The following FAT3 variants were observed in gnomAD, a reference collection of about 807,000 sequenced individuals.
The protein encoded by FAT3 is FAT atypical cadherin 3, also known as protocadherin Fat 3.
Under a neutral mutation model 310.2 loss-of-function variants are expected in FAT3, and 95 were observed. The ratio of observed to expected loss-of-function variants is 0.31; its 90% confidence interval spans 0.26 to 0.36. The LOEUF is 0.36. Ranked by LOEUF, FAT3 falls within the 10% of genes least tolerant of loss-of-function variation. The pLI is 1.00. For missense variants in FAT3, 5,408 were observed against 5,715.6 expected, an observed-to-expected ratio of 0.95 and a Z score of 1.74; for synonymous variants, 2,314 against 2,192.9, an observed-to-expected ratio of 1.06 and a Z score of -1.54.
At chr11:92,560,957 A>G (rs2135468223) in intron 3 of FAT3, among the ~76,000 whole-genome samples, 1 of 152,336 alleles carries the variant, frequency 6.6e-6, no homozygotes, top group East Asian at 1.9e-4. Context: ...TTCATACTTT[A>G]AAAATGCCAA....
At chr11:92,705,397 ATGGTGGTGG>A (rs1333104362) in intron 4 of FAT3, among the ~76,000 whole-genome samples, 1 of 65,670 alleles carries the variant, frequency 1.5e-5, no homozygotes, top group Admixed American at 1.8e-4. Flanking sequence ...GGTGGTGGTG[ATGGTGGTGG>A]TGGTGATGGT....
At chr11:92,250,066 AT>A (rs1865076920) in intron 1 of FAT3, among the ~76,000 whole-genome samples, 3 of 152,012 alleles carry the variant, frequency 2.0e-5, no homozygotes, top group African/African-American at 7.2e-5. Context: ...TTGAAGTCTT[AT>A]TGTTATTATT....
At chr11:92,607,406 C>G (rs1940352806) in intron 3 of FAT3, among the ~76,000 whole-genome samples, 1 of 152,106 alleles carries the variant, frequency 6.6e-6, no homozygotes, top group South Asian at 2.1e-4. Flanking sequence ...ACAACAATTA[C>G]ATTGATTTTT....
intron 3 of FAT3, among the ~76,000 whole-genome samples, chr11:92,632,181 T>A (rs1941580726): frequency 6.6e-6 from 1 of 152,250 alleles, no homozygotes; most frequent in Non-Finnish European, 1.5e-5. Context: ...GATAGTTTGC[T>A]GCACAACCTG....
intron 4 of FAT3, among the ~76,000 whole-genome samples, chr11:92,753,321 T>C (rs2136059429): frequency 6.6e-6 from 1 of 152,158 alleles, no homozygotes; most frequent in African/African-American, 2.4e-5. Context: ...CATGAGAGGC[T>C]CCAAATAAGA....
intron 2 of FAT3, among the ~76,000 whole-genome samples, chr11:92,438,550 A>G (rs1950998147): frequency 6.6e-6 from 1 of 152,204 alleles, no homozygotes. Flanking sequence ...CATCTCTAGA[A>G]TATAGTTCTT....
intron 3 of FAT3, among the ~76,000 whole-genome samples, chr11:92,551,754 C>G (rs2135439802): frequency 6.6e-6 from 1 of 152,148 alleles, no homozygotes; most frequent in Admixed American, 6.5e-5. Context: ...TGTTGCTATT[C>G]CATAATACTT....
chr11:92,783,686 C>T (rs1381514560), intron 7 of FAT3, among the ~76,000 whole-genome samples: 1 of 150,998 alleles, frequency 6.6e-6, no homozygotes, highest in Non-Finnish European at 1.5e-5. Flanking sequence ...GTCCAATTGT[C>T]CCAGCTACTT....
At chr11:92,621,345 G>T (rs1199594531) in intron 3 of FAT3, among the ~76,000 whole-genome samples, 2 of 152,214 alleles carry the variant, frequency 1.3e-5, no homozygotes, top group Non-Finnish European at 2.9e-5. Context: ...GGAAAAAAGA[G>T]TTTTAAGAAG....
At chr11:92,509,772 A>G (rs662857) in intron 2 of FAT3, among the ~76,000 whole-genome samples, 57,000 of 152,014 alleles carry the variant, frequency 0.37, 11,991 homozygotes, top group East Asian at 0.61. Context: ...ATAAAACTAC[A>G]GATAAATATA....
intron 4 of FAT3, among the ~76,000 whole-genome samples, chr11:92,758,302 G>A (rs971526526): frequency 6.6e-6 from 1 of 152,190 alleles, no homozygotes. Flanking sequence ...TAGTGTCCTA[G>A]AACTATACAC....
intron 2 of FAT3, among the ~76,000 whole-genome samples, chr11:92,479,050 G>A (rs1952142554): frequency 6.7e-6 from 1 of 148,544 alleles, no homozygotes; most frequent in Non-Finnish European, 1.5e-5. Flanking sequence ...TGCCCAGGCT[G>A]GAGTGCAGCG....
intron 3 of FAT3, among the ~76,000 whole-genome samples, chr11:92,613,896 C>T (rs1940684782): frequency 6.6e-6 from 1 of 152,192 alleles, no homozygotes; most frequent in Non-Finnish European, 1.5e-5. Context: ...TCAGTCACTT[C>T]CCATTTTCCT....
chr11:92,836,640 T>A lies in FAT3; in HGVS notation c.10161T>A (p.Asn3387Lys), dbSNP rs568371690. 9 of 1,613,760 alleles carry A rather than the reference T, an allele frequency of 5.6e-6. No individual in the cohort carries two copies. The African/African-American group carries it at 1.2e-4, about 22-fold the overall frequency. Reference sequence around the variant, plus strand: ...CCATTGTGAATGGAGATCGGGACAATGAATTTACTGTAGATCCTGTCTTGG... The same window carrying A: ...CCATTGTGAATGGAGATCGGGACAAAGAATTTACTGTAGATCCTGTCTTGG... Reference protein sequence around the residue: ...HFSIVNGDRDNEFTVDPVLGL... With the variant: ...HFSIVNGDRDKEFTVDPVLGL... Residue 3387 changes from asparagine to lysine, a missense_variant, in exon 16 of 28, where the codon AAT becomes AAA. Coordinates refer to ENST00000525166, the MANE Select transcript of FAT3 (RefSeq NM_001367949.2).
intron 13 of FAT3, among the ~76,000 whole-genome samples, chr11:92,817,838 C>T (rs1046425532): frequency 2.0e-5 from 3 of 152,180 alleles, no homozygotes; most frequent in Non-Finnish European, 4.4e-5. Context: ...AGTGGTTTTC[C>T]TGCCTCTTCT....
intron 3 of FAT3, among the ~76,000 whole-genome samples, chr11:92,567,913 G>T (rs747971137): frequency 7.7e-6 from 1 of 129,286 alleles, no homozygotes; most frequent in Non-Finnish European, 1.6e-5. Context: ...AGGGGGGAGG[G>T]ATAGCATTGG....
intron 3 of FAT3, among the ~76,000 whole-genome samples, chr11:92,696,804 A>G (rs1943953434): frequency 6.6e-6 from 1 of 152,218 alleles, no homozygotes; most frequent in Non-Finnish European, 1.5e-5. Context: ...TTCATGTGGA[A>G]CTTGTTTTGT....
intron 22 of FAT3, among the ~76,000 whole-genome samples, chr11:92,873,859 A>G (rs1393998770): frequency 6.6e-6 from 1 of 152,212 alleles, no homozygotes; most frequent in Non-Finnish European, 1.5e-5. Context: ...ATGTATCTCC[A>G]CACTAGTAGG....
In FAT3 at chr11:92,353,851, A is replaced by C; in HGVS notation, c.1739A>C (p.Lys580Thr). The change falls in exon 2 of 28, where the codon AAA (lysine) becomes ACA (threonine). Residue 580 changes from lysine (K) to threonine (T), a missense_variant. By Grantham distance (78) the Lys-to-Thr change is moderately conservative. This residue lies in a region of FAT3 where 4,588 missense variants were observed against 4,809.8 expected (regional missense o/e 0.95). Transcript: ENST00000525166. ...NVNDNSPLFE[K>T]VACQGVISYD... Reference sequence around the variant, plus strand: ...AACGACAACAGCCCTCTCTTTGAAAAAGTGGCTTGCCAGGGAGTTATTTCA... The same window carrying C: ...AACGACAACAGCCCTCTCTTTGAAACAGTGGCTTGCCAGGGAGTTATTTCA... The C allele has an allele frequency of 6.2e-7, 1 of 1,613,674 alleles. No individual in the cohort carries two copies. The highest frequency in any genetic ancestry group is 8.5e-7 in the Non-Finnish European group (1 of 1,179,780).
Sources: gnomAD v4.1 joint callset for allele counts (sites outside exome capture counted in the v4.1 genomes callset) on GRCh38, gnomAD v4.1.1 for gene constraint, gnomAD v4.1.1 regional missense constraint, MANE v1.5 for transcripts, NCBI Gene and HGNC (gene_info 2026-07-23, HGNC 2026-07-21) for gene names.